The following UGT1A10 variants were observed in gnomAD, a reference collection of about 807,000 sequenced individuals.
The protein encoded by UGT1A10 is UDP glucuronosyltransferase family 1 member A10.
In UGT1A10, 49 loss-of-function variants were observed where a neutral mutation model predicts 45.8. That is an observed-to-expected ratio of 1.07 (90% CI 0.85 to 1.36). The LOEUF (loss-of-function observed/expected upper bound fraction) is 1.36, where lower values mean the gene tolerates loss of function less well. Ranked by LOEUF, UGT1A10 falls within the 40% of genes most tolerant of loss-of-function variation. The pLI, the probability that UGT1A10 is intolerant of heterozygous loss-of-function variation, is 0.00. For missense variants in UGT1A10, 745 were observed against 668.6 expected, an observed-to-expected ratio of 1.11 and a Z score of -1.26; for synonymous variants, 284 against 249.7, an observed-to-expected ratio of 1.14 and a Z score of -1.29.
intron 1 of UGT1A10, among the ~76,000 whole-genome samples, chr2:233,739,686 T>A (rs558118355): frequency 4.6e-5 from 7 of 152,354 alleles, no homozygotes; most frequent in Admixed American, 4.6e-4. Context: ...ACTAACTTGT[T>A]TTTGATTTTA....
intron 1 of UGT1A10, among the ~76,000 whole-genome samples, chr2:233,664,873 C>T (rs997892168): frequency 6.6e-6 from 1 of 152,148 alleles, no homozygotes; most frequent in Non-Finnish European, 1.5e-5. Flanking sequence ...CCTTTTGTGC[C>T]ACTTCATGGA....
At chr2:233,647,446 T>G (rs1439722329) in intron 1 of UGT1A10, among the ~76,000 whole-genome samples, 1 of 152,210 alleles carries the variant, frequency 6.6e-6, no homozygotes, top group Non-Finnish European at 1.5e-5. Context: ...CGGACTAGAT[T>G]GTGAGAAATT....
Position 233,757,543 on chromosome 2 carries a change from T to TACATATAC in UGT1A10, c.856-9490_856-9489insCATATACA, listed in dbSNP as rs1320189051. ...AAATCTTGCCTGTAAGGAATATATA[T>TACATATAC]ATATATATATATATATATGTATATA... On this transcript the variant is annotated intron_variant, in intron 1 of 4. Transcript: ENST00000344644. Among the ~76,000 whole-genome samples, 305 of 117,198 alleles carry TACATATAC rather than the reference T, an allele frequency of 2.6e-3. 10 individuals are homozygous for TACATATAC. The highest frequency in any genetic ancestry group is 3.4e-3 in the Non-Finnish European group (191 of 55,852). The allele number at this position is 117,198 out of a possible 152,430, so 76.9% of individuals were successfully genotyped here.
At position 233,637,155 on chromosome 2, in the gene UGT1A10, C is replaced by T. The variant is rs202154835; in HGVS notation, c.633C>T (p.Ile211=). The change falls in exon 1 of 5, where the codon ATC becomes ATT. Residue 211 remains isoleucine, a synonymous_variant. Coordinates refer to ENST00000344644, the MANE Select transcript of UGT1A10 (RefSeq NM_019075.4). ...TCAAGGAGAGAGTATGGAACCACAT[C>T]GTGCACTTGGAGGACCATTTATTTT... ...MTFKERVWNH[I]VHLEDHLFCQ... 61 of 1,613,938 alleles carry T rather than the reference C, an allele frequency of 3.8e-5. No individual in the cohort carries two copies. The African/African-American group carries it at 3.9e-4, about 10-fold the overall frequency.
intron 1 of UGT1A10, among the ~76,000 whole-genome samples, chr2:233,688,220 C>G (rs1367273237): frequency 6.6e-6 from 1 of 152,222 alleles, no homozygotes; most frequent in East Asian, 1.9e-4. Context: ...TGTGGCTTAT[C>G]CATGTTGTAG....
intron 1 of UGT1A10, among the ~76,000 whole-genome samples, chr2:233,694,880 G>A (rs997680070): frequency 2.0e-5 from 3 of 152,156 alleles, no homozygotes; most frequent in Non-Finnish European, 2.9e-5. Context: ...TACACATTTG[G>A]GGGGTTCATG....
chr2:233,659,566 G>T (rs1338046864), intron 1 of UGT1A10, among the ~76,000 whole-genome samples: 1 of 152,170 alleles, frequency 6.6e-6, no homozygotes, highest in South Asian at 2.1e-4. Flanking sequence ...GTAGGCTGAG[G>T]AGGAAGAGGA....
At chr2:233,658,817 T>C (rs1575406566) in intron 1 of UGT1A10, among the ~76,000 whole-genome samples, 2 of 152,260 alleles carry the variant, frequency 1.3e-5, no homozygotes, top group Admixed American at 1.3e-4. Flanking sequence ...CTTTCTACTC[T>C]GTTCCATTGA....
intron 1 of UGT1A10, chr2:233,692,804 A>T (rs2075115525): frequency 2.1e-6 from 3 of 1,403,232 alleles, no homozygotes. Flanking sequence ...ACACGGCCAT[A>T]GTTGGTTCAT....
At chr2:233,655,450 G>A (rs936423486) in intron 1 of UGT1A10, among the ~76,000 whole-genome samples, 1 of 152,180 alleles carries the variant, frequency 6.6e-6, no homozygotes, top group Non-Finnish European at 1.5e-5. Flanking sequence ...AGCAGATTCA[G>A]AAGGGGCACG....
chr2:233,671,893 A>C, intron 1 of UGT1A10: 1 of 1,566,360 alleles, frequency 6.4e-7, no homozygotes, highest in Non-Finnish European at 8.6e-7. Flanking sequence ...GTATCATAGG[A>C]GCTTAGATTC....
chr2:233,753,830 C>T (rs560874978), intron 1 of UGT1A10, among the ~76,000 whole-genome samples: 4 of 152,332 alleles, frequency 2.6e-5, no homozygotes, highest in Non-Finnish European at 4.4e-5. Flanking sequence ...GGGCTGAAGA[C>T]AGTCCTAGTA....
chr2:233,666,727 C>A (rs1432952761), intron 1 of UGT1A10, among the ~76,000 whole-genome samples: 1 of 151,740 alleles, frequency 6.6e-6, no homozygotes, highest in East Asian at 1.9e-4. Flanking sequence ...TATACATGTG[C>A]CATGTTGGTG....
At chr2:233,754,155 A>T (rs1695407663) in intron 1 of UGT1A10, 1 of 153,430 alleles carries the variant, frequency 6.5e-6, no homozygotes, top group Admixed American at 6.4e-5. Flanking sequence ...AAATTAAGCC[A>T]GAGTATTAAT....
intron 1 of UGT1A10, among the ~76,000 whole-genome samples, chr2:233,746,725 G>A (rs1489490060): frequency 6.6e-6 from 1 of 151,774 alleles, no homozygotes; most frequent in Non-Finnish European, 1.5e-5. Flanking sequence ...AATTAGCAAT[G>A]GATTCTGCTT....
At chr2:233,704,837 C>G (rs928944856) in intron 1 of UGT1A10, among the ~76,000 whole-genome samples, 1 of 151,970 alleles carries the variant, frequency 6.6e-6, no homozygotes, top group Non-Finnish European at 1.5e-5. Flanking sequence ...CTTTTAAAAT[C>G]AGTTAAGAGA....
At chr2:233,673,058 C>T (rs555735787) in intron 1 of UGT1A10, among the ~76,000 whole-genome samples, 96 of 152,270 alleles carry the variant, frequency 6.3e-4, no homozygotes, top group African/African-American at 2.2e-3. Flanking sequence ...GTACCAAAAA[C>T]CACAGTAAGA....
At chr2:233,719,259 G>A (rs746608425) in intron 1 of UGT1A10, 2 of 1,614,146 alleles carry the variant, frequency 1.2e-6, no homozygotes, top group Admixed American at 1.7e-5. Flanking sequence ...TACTTCCTTT[G>A]ATGTGGTTTT....
intron 1 of UGT1A10, among the ~76,000 whole-genome samples, chr2:233,696,144 T>C (rs566380676): frequency 1.3e-5 from 2 of 152,304 alleles, no homozygotes; most frequent in African/African-American, 4.8e-5. Flanking sequence ...ATCCCATTGC[T>C]GGGTATATAT....
Sources: allele counts gnomAD v4.1 joint callset (sites outside exome capture counted in the v4.1 genomes callset), GRCh38; gene constraint gnomAD v4.1.1; transcripts MANE v1.5; gene names NCBI Gene and HGNC (gene_info 2026-07-23, HGNC 2026-07-21).